The following CTNND1 variants were observed in gnomAD, a reference collection of about 807,000 sequenced individuals.
CTNND1 encodes catenin delta 1.
A neutral mutation model predicts 112.1 loss-of-function variants in CTNND1; 16 were observed. The observed-to-expected ratio is 0.14, with a 90% CI of 0.10 to 0.22. CTNND1 has a LOEUF of 0.22. CTNND1 is among the 10% of genes least tolerant of loss of function. The pLI is 1.00. For missense variants in CTNND1, 1,008 were observed against 1,257.0 expected (o/e 0.80, Z 3.00); for synonymous variants, 420 against 446.5 (o/e 0.94, Z 0.75).
At chr11:57,790,921 T>C (rs998027578) in intron 2 of CTNND1, among the ~76,000 whole-genome samples, 6 of 152,160 alleles carry the variant, frequency 3.9e-5, no homozygotes, top group Non-Finnish European at 8.8e-5. Flanking sequence ...TTGCTGCCAC[T>C]TCAGCAGTTT....
intron 2 of CTNND1, among the ~76,000 whole-genome samples, chr11:57,790,790 C>CCT (rs2060655271): frequency 6.6e-6 from 1 of 151,826 alleles, no homozygotes; most frequent in Admixed American, 6.6e-5. Flanking sequence ...GAACTTCTGA[C>CCT]CTCGTGATCC....
chr11:57,770,033 A>G (rs1485415335), intron 1 of CTNND1, among the ~76,000 whole-genome samples: 1 of 152,122 alleles, frequency 6.6e-6, no homozygotes, highest in Non-Finnish European at 1.5e-5. Context: ...GTGGAGTGAA[A>G]AGATTTTTGT....
At chr11:57,765,999 G>C (rs1344855318) in intron 1 of CTNND1, among the ~76,000 whole-genome samples, 1 of 152,114 alleles carries the variant, frequency 6.6e-6, no homozygotes, top group Non-Finnish European at 1.5e-5. Context: ...ACAAAAATTA[G>C]CTGGGCGTGG....
At chr11:57,766,852 G>T (rs761708071) in intron 1 of CTNND1, among the ~76,000 whole-genome samples, 5 of 152,098 alleles carry the variant, frequency 3.3e-5, no homozygotes, top group African/African-American at 1.2e-4. Context: ...TTCAGGGATC[G>T]TGTTCCCTGT....
At chr11:57,798,364 C>G (rs1238761482) in intron 6 of CTNND1, among the ~76,000 whole-genome samples, 2 of 144,636 alleles carry the variant, frequency 1.4e-5, no homozygotes, top group Non-Finnish European at 3.0e-5. Flanking sequence ...AAAAAAAAAG[C>G]CAAAAAAACC....
chr11:57,787,618 C>T (rs1162004912), intron 1 of CTNND1, among the ~76,000 whole-genome samples: 6 of 152,122 alleles, frequency 3.9e-5, no homozygotes, highest in Admixed American at 3.3e-4. Context: ...TGGCATCTTA[C>T]AAGTGAGAAT....
At chr11:57,768,845 T>C (rs1039755619) in intron 1 of CTNND1, among the ~76,000 whole-genome samples, 2 of 152,156 alleles carry the variant, frequency 1.3e-5, no homozygotes, top group Admixed American at 6.6e-5. Flanking sequence ...AATACATATG[T>C]GTTAGATACA....
chr11:57,762,382 G>A (rs1950048812), intron 1 of CTNND1, among the ~76,000 whole-genome samples: 1 of 152,080 alleles, frequency 6.6e-6, no homozygotes, highest in Admixed American at 6.6e-5. Context: ...TTATTTTTCT[G>A]GATTAAGCTA....
intron 5 of CTNND1, among the ~76,000 whole-genome samples, chr11:57,796,123 A>G (rs780451845): frequency 6.6e-6 from 1 of 152,112 alleles, no homozygotes; most frequent in Non-Finnish European, 1.5e-5. Context: ...GCGGTGGGTC[A>G]CGCTTGTAAT....
chr11:57,811,599 G>A (rs1405284400), intron 17 of CTNND1, 113 bp downstream of exon 17: 21 of 709,904 alleles, frequency 3.0e-5, no homozygotes, highest in Non-Finnish European at 4.0e-5. Flanking sequence ...TTTGTGGGAG[G>A]GGAATAATTT....
rs770084203 is a variant in CTNND1, at chr11:57,816,006, G to A, written c.2895+5G>A. The A allele has an allele frequency of 3.2e-6, 5 of 1,569,920 alleles. No individual in the cohort carries two copies. In the Admixed American group the frequency reaches 8.6e-5, roughly 27 times the overall value. On this transcript the variant is annotated splice_donor_5th_base_variant and intron_variant, in intron 20 of 20. Transcript: ENST00000399050. ...CAAGTGTCTTACCCCTCCATGGTAT[G>A]TCCTTCAGTCACCCCCAAGATTGTT...
chr11:57,772,792 C>T (rs964818995), intron 1 of CTNND1, among the ~76,000 whole-genome samples: 10 of 152,008 alleles, frequency 6.6e-5, no homozygotes, highest in African/African-American at 1.7e-4. Context: ...GTCTCTGTCT[C>T]GTTCTCTCTC....
intron 6 of CTNND1, among the ~76,000 whole-genome samples, chr11:57,801,422 A>G (rs2062010919): frequency 1.3e-5 from 2 of 152,216 alleles, no homozygotes; most frequent in Admixed American, 1.3e-4. Context: ...CAAATAAATG[A>G]TAAGTAGTAA....
intron 6 of CTNND1, among the ~76,000 whole-genome samples, chr11:57,801,278 G>T (rs754934341): frequency 2.0e-5 from 3 of 152,166 alleles, no homozygotes; most frequent in South Asian, 4.1e-4. Flanking sequence ...GTGTGTAAAT[G>T]CCTAATTTCC....
chr11:57,770,341 A>AT (rs1334390114), intron 1 of CTNND1, among the ~76,000 whole-genome samples: 1 of 151,580 alleles, frequency 6.6e-6, no homozygotes, highest in Non-Finnish European at 1.5e-5. Context: ...AAAATAAAAA[A>AT]TAAAAAAAAA....
At chr11:57,778,192 T>G (rs1056516494) in intron 1 of CTNND1, among the ~76,000 whole-genome samples, 3 of 151,928 alleles carry the variant, frequency 2.0e-5, no homozygotes, top group African/African-American at 7.3e-5. Context: ...ACTGCCTCTT[T>G]GTAGGGTGGA....
At chr11:57,814,236 A>G (rs1456016847) in intron 17 of CTNND1, 75 bp from the exon 18 acceptor site, 8 of 1,034,816 alleles carry the variant, frequency 7.7e-6, no homozygotes, top group Non-Finnish European at 1.2e-5. Flanking sequence ...AAGGAGGACC[A>G]GAGAGCAATT....
chr11:57,771,200 A>G (rs1952495206), intron 1 of CTNND1, among the ~76,000 whole-genome samples: 2 of 151,904 alleles, frequency 1.3e-5, no homozygotes. Flanking sequence ...ATCTCCATTC[A>G]AAAGAAATTT....
Position 57,796,970 on chromosome 11 carries a change from T to G in CTNND1, c.934T>G (p.Ser312Ala), listed in dbSNP as rs1238239933. ...CACTGCCCGTCGGACTGGGACACCC[T>G]CTGACCCTCGTCGGCGCCTCAGGTA... The part of the protein sequence containing the change: ...YGTARRTGTP[S>A]DPRRRLRSYE... The change falls in exon 6 of 21, where the codon TCT (serine) becomes GCT (alanine). Residue 312 changes from serine (S) to alanine (A), a missense_variant. Around this residue, in one of 5 missense-constraint regions of CTNND1, gnomAD observed 404 missense variants for 457.9 expected, o/e 0.88. Coordinates refer to ENST00000399050, the MANE Select transcript of CTNND1 (RefSeq NM_001085458.2). 2 of 1,492,424 alleles carry G rather than the reference T, an allele frequency of 1.3e-6. No individual in the cohort carries two copies. Among genetic ancestry groups the G allele is most frequent in the East Asian group, 2.3e-5 (1 of 43,460 alleles). The allele number at this position is 1,492,424 out of a possible 1,614,324, so 92.4% of individuals were successfully genotyped here. A position where few individuals can be genotyped will look rare whatever the true frequency, so the allele number is the denominator to read the frequency against.
Sources: gnomAD v4.1 joint callset for allele counts (sites outside exome capture counted in the v4.1 genomes callset) on GRCh38, gnomAD v4.1.1 for gene constraint, gnomAD v4.1.1 regional missense constraint, MANE v1.5 for transcripts, NCBI Gene and HGNC (gene_info 2026-07-23, HGNC 2026-07-21) for gene names.